BICD1: variants seen among roughly 807,000 people sequenced by gnomAD.
BICD1 encodes the protein BICD cargo adaptor 1, also known as protein bicaudal D homolog 1.
In BICD1, 35 loss-of-function variants were observed where a neutral mutation model predicts 92.5. The observed-to-expected ratio is 0.38, with a 90% confidence interval of 0.29 to 0.50. BICD1 has a LOEUF of 0.50. Ranked by LOEUF, BICD1 falls within the 20% of genes least tolerant of loss-of-function variation. The pLI is 0.93. For synonymous variants in BICD1, 429 were observed against 465.1 expected (o/e 0.92, Z 1.00); for missense variants, 950 against 1,189.8 (o/e 0.80, Z 2.97).
intron 9 of BICD1, among the ~76,000 whole-genome samples, chr12:32,375,043 G>C (rs1389015912): frequency 6.9e-6 from 1 of 145,134 alleles, no homozygotes; most frequent in Non-Finnish European, 1.5e-5. Flanking sequence ...CTCAGCCTCC[G>C]GAGTAGCTGG....
At chr12:32,247,207 G>T (rs375053038) in intron 2 of BICD1, among the ~76,000 whole-genome samples, 1 of 147,542 alleles carries the variant, frequency 6.8e-6, no homozygotes, top group East Asian at 2.0e-4. Flanking sequence ...TCTGGGTTTC[G>T]CTCTGGATGA....
chr12:32,180,999 T>C (rs1252561353), intron 1 of BICD1, among the ~76,000 whole-genome samples: 1 of 151,896 alleles, frequency 6.6e-6, no homozygotes, highest in African/African-American at 2.4e-5. Flanking sequence ...AAAATAAATA[T>C]ATTTTTCAAT....
At chr12:32,334,806 C>T (rs1592689631) in intron 6 of BICD1, 139 bp downstream of exon 6, 2 of 927,546 alleles carry the variant, frequency 2.2e-6, no homozygotes, top group Admixed American at 5.9e-5. Context: ...CTGTGGAAGT[C>T]CACTCTGACG....
intron 4 of BICD1, among the ~76,000 whole-genome samples, chr12:32,319,786 G>C (rs1948599537): frequency 6.6e-6 from 1 of 151,986 alleles, no homozygotes; most frequent in African/African-American, 2.4e-5. Context: ...CCATGTTCAG[G>C]CTGGTCTCAA....
At chr12:32,195,444 G>A (rs1944700395) in intron 1 of BICD1, among the ~76,000 whole-genome samples, 1 of 152,186 alleles carries the variant, frequency 6.6e-6, no homozygotes, top group Non-Finnish European at 1.5e-5. Flanking sequence ...TAGGGTCACT[G>A]GGACAGAATA....
chr12:32,332,794 T>C, intron 5 of BICD1: 2 of 913,340 alleles, frequency 2.2e-6, no homozygotes, highest in Non-Finnish European at 2.6e-6. Flanking sequence ...TAGAGAGGCT[T>C]TGGAGTGACA....
intron 1 of BICD1, among the ~76,000 whole-genome samples, chr12:32,137,722 T>C (rs1478580891): frequency 6.6e-6 from 1 of 152,138 alleles, no homozygotes; most frequent in Non-Finnish European, 1.5e-5. Flanking sequence ...GAAAGTATTC[T>C]CAAATTTATC....
chr12:32,331,460 T>A (rs911025558), intron 5 of BICD1, among the ~76,000 whole-genome samples: 1 of 152,188 alleles, frequency 6.6e-6, no homozygotes, highest in Non-Finnish European at 1.5e-5. Context: ...CCGAAATGTT[T>A]TGGGGGACAA....
At chr12:32,131,806 A>G (rs557560524) in intron 1 of BICD1, among the ~76,000 whole-genome samples, 6 of 152,346 alleles carry the variant, frequency 3.9e-5, no homozygotes, top group African/African-American at 1.4e-4. Flanking sequence ...GTTAGGTGCC[A>G]GGGTACAAAG....
intron 1 of BICD1, among the ~76,000 whole-genome samples, chr12:32,198,445 G>T (rs10844151): frequency 0.18 from 26,811 of 148,878 alleles, 3,028 homozygotes; most frequent in Middle Eastern, 0.28. Context: ...GCATTAGTTG[G>T]CAATAAAAAG....
intron 1 of BICD1, among the ~76,000 whole-genome samples, chr12:32,163,243 C>T (rs965813629): frequency 6.6e-6 from 1 of 151,830 alleles, no homozygotes; most frequent in Non-Finnish European, 1.5e-5. Flanking sequence ...TTAATTCTTC[C>T]TGCCTTCTTT....
At chr12:32,190,080 A>G (rs1200116211) in intron 1 of BICD1, among the ~76,000 whole-genome samples, 1 of 152,214 alleles carries the variant, frequency 6.6e-6, no homozygotes, top group African/African-American at 2.4e-5. Context: ...GGTCCATGGT[A>G]ACCCCAAAGA....
At chr12:32,124,578 A>T (rs1278990537) in intron 1 of BICD1, among the ~76,000 whole-genome samples, 2 of 152,168 alleles carry the variant, frequency 1.3e-5, no homozygotes, top group Non-Finnish European at 2.9e-5. Context: ...AATAATAATA[A>T]AATAATAATG....
intron 1 of BICD1, among the ~76,000 whole-genome samples, chr12:32,126,048 CAAAA>C (rs61406736): frequency 1.9e-5 from 1 of 51,438 alleles, no homozygotes. Flanking sequence ...GACTCCATCT[CAAAA>C]AAAAAAAAAA....
intron 4 of BICD1, among the ~76,000 whole-genome samples, chr12:32,317,169 G>A (rs1451600071): frequency 2.0e-4 from 31 of 152,136 alleles, no homozygotes; most frequent in Non-Finnish European, 4.1e-4. Context: ...ATAAACATAC[G>A]TGTGCATGTG....
At chr12:32,107,575 G>T (rs1274386176) in intron 1 of BICD1, 31 bp downstream of exon 1, 1 of 1,550,454 alleles carries the variant, frequency 6.4e-7, no homozygotes, top group African/African-American at 1.4e-5. Flanking sequence ...CCCTTTCCTG[G>T]CCCTCACTCC....
At chr12:32,318,908 A>T (rs566386324) in intron 4 of BICD1, among the ~76,000 whole-genome samples, 1 of 152,286 alleles carries the variant, frequency 6.6e-6, no homozygotes, top group African/African-American at 2.4e-5. Flanking sequence ...TATAAAAGCA[A>T]TTGTTTTATT....
chr12:32,374,910 CTTTTTTTTTTTT>C (rs1185628924), intron 9 of BICD1, among the ~76,000 whole-genome samples: 27 of 49,636 alleles, frequency 5.4e-4, no homozygotes, highest in Non-Finnish European at 6.9e-4. Flanking sequence ...ATTTATTTTC[CTTTTTTTTTTTT>C]TTTTTTTTTT....
chr12:32,134,302 C>T (rs540921042), intron 1 of BICD1, among the ~76,000 whole-genome samples: 46 of 152,204 alleles, frequency 3.0e-4, no homozygotes, highest in African/African-American at 1.0e-3. Flanking sequence ...CTATGGTCCC[C>T]GAGGGCCAGG....
Sources: gnomAD v4.1 joint callset for allele counts (sites outside exome capture counted in the v4.1 genomes callset) on GRCh38, gnomAD v4.1.1 for gene constraint, MANE v1.5 for transcripts, NCBI Gene and HGNC (gene_info 2026-07-23, HGNC 2026-07-21) for gene names.